Variants in STIL observed in about 807,000 individuals in gnomAD.
STIL encodes STIL centriolar assembly protein.
In STIL, 55 loss-of-function variants were observed where a neutral mutation model predicts 110.1. That is an observed-to-expected ratio of 0.50 (90% CI 0.40 to 0.63). The LOEUF (loss-of-function observed/expected upper bound fraction) is 0.63. Among genes scored for constraint, STIL ranks in the 20% least tolerant of loss-of-function variants. The pLI is 0.00. For missense variants in STIL, 1,358 were observed against 1,530.0 expected (o/e 0.89, Z 1.87); for synonymous variants, 481 against 530.0 (o/e 0.91, Z 1.27).
chr1:47,265,260 A>AAAAAAAAAAAAAAAAAAAAAAAC (rs1553170532), intron 14 of STIL, among the ~76,000 whole-genome samples: 14 of 148,420 alleles, frequency 9.4e-5, no homozygotes, highest in East Asian at 6.1e-4. Context: ...AAAAAAAAAA[A>AAAAAAAAAAAAAAAAAAAAAAAC]CACAAGATTG....
intron 16 of STIL, among the ~76,000 whole-genome samples, chr1:47,259,569 G>A (rs1337220190): frequency 6.6e-6 from 1 of 152,122 alleles, no homozygotes; most frequent in African/African-American, 2.4e-5. Context: ...GATTACAGGC[G>A]TGAGCCACCG....
At chr1:47,272,507 G>C (rs1301973600) in intron 12 of STIL, among the ~76,000 whole-genome samples, 3 of 150,962 alleles carry the variant, frequency 2.0e-5, no homozygotes, top group Admixed American at 2.0e-4. Flanking sequence ...ACCCAGCCGT[G>C]GTGCAATCAT....
chr1:47,301,651 G>A lies in STIL; in HGVS notation c.363C>T (p.Asp121=). Residue 121 remains aspartate, a synonymous_variant, in exon 5 of 17, where the codon GAC becomes GAT. Transcript: ENST00000371877. Reference sequence around the variant, plus strand: ...TATGAACTTTGCATGGAATCAAAAAGTCCCCAGGAAGAGAAGCAGTAGGGG... The same window carrying A: ...TATGAACTTTGCATGGAATCAAAAAATCCCCAGGAAGAGAAGCAGTAGGGG... ...EITPTASLPG[D]FLIPCKVHTQ... 1 of 1,613,956 alleles carries A rather than the reference G, an allele frequency of 6.2e-7. No individual in the cohort carries two copies. Among genetic ancestry groups the A allele is most frequent in the Non-Finnish European group, 8.5e-7 (1 of 1,179,972 alleles).
At position 47,280,299 on chromosome 1, in the gene STIL, G is replaced by A; in HGVS notation, c.2159C>T (p.Pro720Leu). 1.9e-6 allele frequency: 3 copies of A among 1,614,222 alleles called. No individual in the cohort carries two copies. Among genetic ancestry groups the A allele is most frequent in the Non-Finnish European group, 2.5e-6 (3 of 1,180,030 alleles). The change falls in exon 12 of 17, where the codon CCA becomes CTA. Residue 720 changes from proline to leucine, a missense_variant. By Grantham distance (98) the Pro-to-Leu change is moderately conservative. Coordinates refer to ENST00000371877, the MANE Select transcript of STIL (RefSeq NM_001048166.1). ...ESDNGMMGLS[P>L]DAYRFLTEQD... The stretch of plus-strand genomic sequence containing the variant: ...TTCTGTGAGGAACCGATATGCATCT[G>A]GAGATAGTCCCATCATTCCATTATC...
At chr1:47,314,228 G>A (rs1646223743), upstream of STIL, 1 of 152,256 alleles carries the variant, frequency 6.6e-6, no homozygotes, top group African/African-American at 2.4e-5. Flanking sequence ...GTCAGGGAGC[G>A]GGGGTGGTGC....
At chr1:47,308,013 G>A (rs892660446) in intron 2 of STIL, among the ~76,000 whole-genome samples, 22 of 152,182 alleles carry the variant, frequency 1.4e-4, no homozygotes, top group Admixed American at 6.5e-4. Flanking sequence ...CCTGTCTCCT[G>A]ATAAGATGTT....
chr1:47,286,908 T>C (rs931089216), intron 10 of STIL, among the ~76,000 whole-genome samples: 18 of 152,152 alleles, frequency 1.2e-4, no homozygotes, highest in African/African-American at 4.1e-4. Flanking sequence ...ACCAGTATTA[T>C]ATGTAGATTT....
intron 8 of STIL, among the ~76,000 whole-genome samples, chr1:47,290,684 C>T (rs994074830): frequency 1.4e-5 from 2 of 142,122 alleles, no homozygotes; most frequent in Non-Finnish European, 3.0e-5. Context: ...GCCCGGGCAA[C>T]AGAGCAAGAC....
intron 9 of STIL, among the ~76,000 whole-genome samples, chr1:47,287,914 C>T (rs535829308): frequency 7.9e-5 from 12 of 151,634 alleles, no homozygotes; most frequent in African/African-American, 2.9e-4. Context: ...ACAAATATGT[C>T]TCTAAAACAG....
intron 8 of STIL, among the ~76,000 whole-genome samples, chr1:47,292,525 A>C (rs1645524739): frequency 6.6e-6 from 1 of 152,240 alleles, no homozygotes; most frequent in Admixed American, 6.5e-5. Context: ...TATGTATTAT[A>C]AACTCTTCAG....
At chr1:47,262,777 T>A in intron 15 of STIL, 126 bp downstream of exon 15, 6 of 814,242 alleles carry the variant, frequency 7.4e-6, no homozygotes, top group South Asian at 1.7e-5. Context: ...AAAATTACAT[T>A]GTTAATTAGA....
intron 13 of STIL, among the ~76,000 whole-genome samples, chr1:47,270,739 A>C (rs1416031625): frequency 2.1e-5 from 3 of 144,000 alleles, no homozygotes; most frequent in African/African-American, 7.8e-5. Flanking sequence ...GTGCAGTGAC[A>C]CAATCACAGC....
rs770997854 is a variant in STIL at position 47,289,556 on chromosome 1, A to G, written c.902T>C (p.Ile301Thr). Residue 301 changes from isoleucine to threonine, a missense_variant, in exon 9 of 17, where the codon ATA becomes ACA. Transcript: ENST00000371877. ...CTTATGTGTCATAGAATAGAGAACT[A>G]TGATGAAATTTCCAGATTCTGAAAA... ...RVFSESGNFI[I>T]VLYSMTHKEP... is the part of the protein sequence containing the mutation. The G allele has an allele frequency of 6.8e-6, 11 of 1,613,744 alleles. 1 individual carries two copies. The highest frequency in any genetic ancestry group is 4.5e-5 in the East Asian group (2 of 44,860).
At chr1:47,265,806 A>T (rs1264793852) in intron 14 of STIL, among the ~76,000 whole-genome samples, 1 of 145,260 alleles carries the variant, frequency 6.9e-6, no homozygotes, top group Non-Finnish European at 1.5e-5. Flanking sequence ...AAAAAAAAAA[A>T]GAAACAGTCT....
rs1361934703 is a variant in STIL at position 47,270,289 on chromosome 1, CACACAA to C, written c.2384-429_2384-424del. On this transcript the variant is annotated intron_variant, in intron 13 of 16. Coordinates refer to ENST00000371877, the MANE Select transcript of STIL (RefSeq NM_001048166.1). ...ACACACACACACACACACACACACA[CACACAA>C]TTACTTAGAACTAAGTTTTTAGATT... Among the ~76,000 whole-genome samples, 166 of 150,088 alleles carry C rather than the reference CACACAA, an allele frequency of 1.1e-3. 2 individuals are homozygous for C. Among genetic ancestry groups the C allele is most frequent in the Non-Finnish European group, 1.2e-3 (78 of 67,774 alleles).
chr1:47,285,881 G>T (rs184352358), intron 10 of STIL, among the ~76,000 whole-genome samples: 1 of 151,642 alleles, frequency 6.6e-6, no homozygotes, highest in East Asian at 1.9e-4. Flanking sequence ...TTTTTAGGTA[G>T]GAGTTTGTTT....
chr1:47,289,955 A>AAAAC (rs1557753515), intron 8 of STIL, among the ~76,000 whole-genome samples: 1 of 149,870 alleles, frequency 6.7e-6, no homozygotes. Flanking sequence ...AAAAAAAAAA[A>AAAAC]AAAGGAATAA....
chr1:47,265,783 C>CAA (rs1179019596), intron 14 of STIL, among the ~76,000 whole-genome samples: 10,315 of 65,372 alleles, frequency 0.16, 1,203 homozygotes, highest in East Asian at 0.46. Context: ...AAGACTGTCT[C>CAA]AAAAAAAAAA....
At chr1:47,282,924 A>G (rs1645191614) in intron 10 of STIL, 1 of 156,444 alleles carries the variant, frequency 6.4e-6, no homozygotes, top group Non-Finnish European at 1.4e-5. Context: ...TTGAAAAATC[A>G]AAGTACTACC....
Sources: gnomAD v4.1 joint callset for allele counts (sites outside exome capture counted in the v4.1 genomes callset) on GRCh38, gnomAD v4.1.1 for gene constraint, MANE v1.5 for transcripts, NCBI Gene and HGNC (gene_info 2026-07-23, HGNC 2026-07-21) for gene names.